ASCC3: variants seen among roughly 807,000 people sequenced by gnomAD.
ASCC3 encodes the protein ASC-1 complex subunit P200.
ASCC3 carries 158 observed loss-of-function variants against 256.3 expected under a neutral mutation model. That is an observed-to-expected ratio of 0.62 (90% confidence interval 0.54 to 0.70). ASCC3 has a LOEUF of 0.70. Among genes scored for constraint, ASCC3 ranks in the 30% least tolerant of loss-of-function variants. The probability of loss-of-function intolerance (pLI) is 0.00; values close to 1 mark genes in which losing one functional copy is unlikely to be tolerated. For synonymous variants in ASCC3, 948 were observed against 883.4 expected (o/e 1.07, Z -1.30); for missense variants, 2,259 against 2,626.0 (o/e 0.86, Z 3.05).
rs201245802 is a variant in ASCC3, at chr6:100,856,447, CTTAT to C, written c.241+7613_241+7616del. On this transcript the variant is annotated intron_variant, in intron 3 of 41. Coordinates refer to ENST00000369162, the MANE Select transcript of ASCC3 (RefSeq NM_006828.4). ...TGTTACTTATCAATCTGAAATACTT[CTTAT>C]TTAATCTATGTAATATAAAAATCAT... The C allele has an allele frequency of 4.5e-4, 425 of 944,244 alleles. 2 individuals are homozygous for C. In the African/African-American group the frequency reaches 6.7e-3, roughly 15 times the overall value. The allele number at this position is 944,244 out of a possible 1,614,324, so 58.5% of individuals were successfully genotyped here. A position where few individuals can be genotyped will look rare whatever the true frequency, so the allele number is the denominator to read the frequency against.
At chr6:100,797,103 C>T (rs1769655982) in intron 8 of ASCC3, among the ~76,000 whole-genome samples, 1 of 151,998 alleles carries the variant, frequency 6.6e-6, no homozygotes, top group African/African-American at 2.4e-5. Context: ...AGTTTAAAAG[C>T]CTGTTTCATT....
At chr6:100,755,326 A>G (rs1387315093) in intron 10 of ASCC3, among the ~76,000 whole-genome samples, 1 of 151,796 alleles carries the variant, frequency 6.6e-6, no homozygotes, top group East Asian at 1.9e-4. Context: ...AAAGCACTGT[A>G]ATCTCTATTA....
At chr6:100,703,945 T>C (rs1026223267) in intron 13 of ASCC3, among the ~76,000 whole-genome samples, 1 of 151,582 alleles carries the variant, frequency 6.6e-6, no homozygotes, top group Admixed American at 6.6e-5. Context: ...ACAAATATAT[T>C]AATGAAATTT....
chr6:100,747,445 C>T (rs9404019), intron 10 of ASCC3, among the ~76,000 whole-genome samples: 152,127 of 152,220 alleles, frequency 1, 76,017 homozygotes, highest in Non-Finnish European at 1. Flanking sequence ...TGAATGTTCA[C>T]AGCAGATTTG....
chr6:100,512,170 A>T (rs1773796577), intron 40 of ASCC3, among the ~76,000 whole-genome samples: 1 of 152,200 alleles, frequency 6.6e-6, no homozygotes, highest in Non-Finnish European at 1.5e-5. Flanking sequence ...GACGCAGGCA[A>T]ATGTGGCAAC....
intron 8 of ASCC3, among the ~76,000 whole-genome samples, chr6:100,786,326 A>T (rs576078819): frequency 5.4e-4 from 82 of 152,180 alleles, no homozygotes; most frequent in Middle Eastern, 3.2e-3. Flanking sequence ...GATGGAAATA[A>T]TGTCTTCCAA....
chr6:100,532,344 G>GTGTC (rs1303272982), intron 37 of ASCC3, among the ~76,000 whole-genome samples: 1 of 131,096 alleles, frequency 7.6e-6, no homozygotes, highest in African/African-American at 3.1e-5. Context: ...GCGTGTGTGT[G>GTGTC]TGTGTGTGTG....
At chr6:100,618,434 A>C (rs1466286715) in intron 30 of ASCC3, among the ~76,000 whole-genome samples, 2 of 152,222 alleles carry the variant, frequency 1.3e-5, no homozygotes, top group African/African-American at 4.8e-5. Flanking sequence ...ACAAAAAGTT[A>C]AGAGCATTGT....
At chr6:100,619,307 T>A (rs1452343260) in intron 30 of ASCC3, among the ~76,000 whole-genome samples, 4 of 152,186 alleles carry the variant, frequency 2.6e-5, no homozygotes, top group African/African-American at 4.8e-5. Flanking sequence ...CATGACCACT[T>A]CAGGCTCTCA....
At chr6:100,859,246 TA>T in intron 3 of ASCC3, 1 of 779,052 alleles carries the variant, frequency 1.3e-6, no homozygotes, top group Non-Finnish European at 2.4e-6. Context: ...TTTTCTGGGT[TA>T]ATTTCTGCTT....
At chr6:100,632,369 T>G (rs2114869140) in intron 25 of ASCC3, among the ~76,000 whole-genome samples, 1 of 152,036 alleles carries the variant, frequency 6.6e-6, no homozygotes, top group Admixed American at 6.6e-5. Context: ...CTGGAATAAT[T>G]AATATTGTTG....
intron 11 of ASCC3, among the ~76,000 whole-genome samples, chr6:100,719,446 A>G (rs966348531): frequency 2.0e-5 from 3 of 151,886 alleles, no homozygotes; most frequent in Middle Eastern, 3.4e-3. Flanking sequence ...ATTTGGTTTT[A>G]AAATCATTTT....
chr6:100,648,070 C>T (rs946340960), intron 20 of ASCC3, among the ~76,000 whole-genome samples: 2 of 152,000 alleles, frequency 1.3e-5, no homozygotes, highest in African/African-American at 4.8e-5. Context: ...TATACTAGGG[C>T]TTAAAGAGGT....
intron 3 of ASCC3, 132 bp downstream of exon 3, chr6:100,863,932 T>C (rs1225733319): frequency 3.3e-6 from 3 of 899,578 alleles, no homozygotes; most frequent in Non-Finnish European, 4.8e-6. Context: ...CAGGACTGTC[T>C]TTCATAATTA....
chr6:100,715,641 C>G, intron 12 of ASCC3, 108 bp from the exon 13 acceptor site: 1 of 827,836 alleles, frequency 1.2e-6, no homozygotes. Flanking sequence ...TTCAGGCTAT[C>G]TAGAATGCAG....
chr6:100,584,679 C>T (rs954579487), intron 36 of ASCC3, among the ~76,000 whole-genome samples: 1 of 151,886 alleles, frequency 6.6e-6, no homozygotes, highest in Non-Finnish European at 1.5e-5. Flanking sequence ...TTCCTAGTCT[C>T]GATGGTCTTT....
chr6:100,627,481 A>T, intron 29 of ASCC3, 109 bp downstream of exon 29: 1 of 1,402,020 alleles, frequency 7.1e-7, no homozygotes, highest in Middle Eastern at 2.5e-4. Context: ...AGATATACGT[A>T]GAAGCTGGAC....
intron 39 of ASCC3, among the ~76,000 whole-genome samples, chr6:100,513,384 C>T (rs909446076): frequency 6.6e-6 from 1 of 152,072 alleles, no homozygotes; most frequent in South Asian, 2.1e-4. Flanking sequence ...TGTCTGTTAT[C>T]GAACTGGTTT....
At chr6:100,567,900 T>C (rs1770353701) in intron 36 of ASCC3, among the ~76,000 whole-genome samples, 1 of 152,186 alleles carries the variant, frequency 6.6e-6, no homozygotes, top group African/African-American at 2.4e-5. Flanking sequence ...TGTTTTCTTT[T>C]GGATCCCCAG....
Sources: allele counts gnomAD v4.1 joint callset (sites outside exome capture counted in the v4.1 genomes callset), GRCh38; gene constraint gnomAD v4.1.1; transcripts MANE v1.5; gene names NCBI Gene and HGNC (gene_info 2026-07-23, HGNC 2026-07-21).